The following NLGN4X variants were observed in gnomAD, a reference collection of about 807,000 sequenced individuals.
The protein encoded by NLGN4X is neuroligin-4, X-linked.
In NLGN4X, 3 loss-of-function variants were observed where a neutral mutation model predicts 40.3. The ratio of observed to expected loss-of-function variants is 0.07; its 90% CI spans 0.03 to 0.19. NLGN4X has a LOEUF of 0.19. Ranked by LOEUF, NLGN4X falls within the 10% of genes least tolerant of loss-of-function variation. The probability of loss-of-function intolerance (pLI) is 1.00; values close to 1 mark genes in which losing one functional copy is unlikely to be tolerated. For synonymous variants in NLGN4X, 270 were observed against 306.8 expected (o/e 0.88, Z 1.25); for missense variants, 382 against 708.3 (o/e 0.54, Z 5.23).
At chrX:6,163,698 T>C (rs1200143029) in intron 1 of NLGN4X, among the ~76,000 whole-genome samples, 1 of 111,396 alleles carries the variant, frequency 9.0e-6, no homozygotes, top group Admixed American at 9.6e-5. Context: ...ATAGAGGGGG[T>C]AAGCATTGAC....
chrX:5,965,319 T>C (rs1044620549), intron 3 of NLGN4X, among the ~76,000 whole-genome samples: 1 of 111,876 alleles, frequency 8.9e-6, no homozygotes, highest in African/African-American at 3.2e-5. Flanking sequence ...AGAAGTCGGG[T>C]GCAGGTAAAT....
intron 3 of NLGN4X, among the ~76,000 whole-genome samples, chrX:5,946,288 G>A (rs978843539): frequency 9.0e-6 from 1 of 111,614 alleles, no homozygotes; most frequent in African/African-American, 3.3e-5. Flanking sequence ...TTGCAAAAAC[G>A]TCCATACTTG....
intron 1 of NLGN4X, among the ~76,000 whole-genome samples, chrX:6,177,370 G>A (rs1440022711): frequency 9.0e-6 from 1 of 111,313 alleles, no homozygotes; most frequent in Non-Finnish European, 1.9e-5. Flanking sequence ...TGTTGGCCAG[G>A]GTGGTCTCGA....
Position 6,022,444 on chromosome X carries a change from T to G in NLGN4X, c.625+6836A>C, listed in dbSNP as rs1052340498. Among the ~76,000 whole-genome samples, 5 of 112,062 alleles carry G rather than the reference T, an allele frequency of 4.5e-5. No individual in the cohort carries two copies. In the East Asian group the frequency reaches 1.4e-3, roughly 31 times the overall value. ...TATTGTTAGAAAAAAAGAAATAAAATAGCAAATGTACCAAAAATAGAGCAA... is the reference window on the plus strand; with the variant it reads ...TATTGTTAGAAAAAAAGAAATAAAAGAGCAAATGTACCAAAAATAGAGCAA... On this transcript the variant is annotated intron_variant, in intron 3 of 5. Transcript: ENST00000381095.
rs576584294 is a variant in NLGN4X, at chrX:6,152,261, T to C, written c.-305-490A>G. On this transcript the variant is annotated intron_variant, in intron 1 of 5. Coordinates refer to ENST00000381095, the MANE Select transcript of NLGN4X (RefSeq NM_181332.3). Reference sequence around the variant, plus strand: ...CAGCCACCACTTGTCTTAATTCCTCTGTACATCCTATCACCATGAACAATG... The same window carrying C: ...CAGCCACCACTTGTCTTAATTCCTCCGTACATCCTATCACCATGAACAATG... Among the ~76,000 whole-genome samples the C allele has an allele frequency of 5.4e-4, 61 of 112,060 alleles. 1 individual carries two copies. In the South Asian group the frequency reaches 0.021, roughly 39 times the overall value.
chrX:6,109,122 C>T (rs2039091871), intron 2 of NLGN4X, among the ~76,000 whole-genome samples: 1 of 110,672 alleles, frequency 9.0e-6, no homozygotes, highest in East Asian at 2.9e-4. Flanking sequence ...AAAAATTAGC[C>T]GGATATGGTG....
chrX:6,051,406 A>G (rs777943555), intron 2 of NLGN4X, among the ~76,000 whole-genome samples: 2 of 111,537 alleles, frequency 1.8e-5, no homozygotes, highest in Non-Finnish European at 3.8e-5. Context: ...CTTTGGAGAT[A>G]AAATCATCAC....
At chrX:5,990,788 T>C (rs1348849977) in intron 3 of NLGN4X, among the ~76,000 whole-genome samples, 2 of 110,525 alleles carry the variant, frequency 1.8e-5, no homozygotes, top group South Asian at 3.9e-4. Context: ...GAGGAGAGGG[T>C]TGAGGGACCC....
intron 1 of NLGN4X, among the ~76,000 whole-genome samples, chrX:6,199,319 C>A (rs1214324359): frequency 9.0e-6 from 1 of 111,449 alleles, no homozygotes; most frequent in Non-Finnish European, 1.9e-5. Context: ...TCCCATTTCT[C>A]AACACAACAT....
intron 3 of NLGN4X, among the ~76,000 whole-genome samples, chrX:5,965,370 A>G (rs72627590): frequency 0.17 from 18,880 of 111,456 alleles, 1,204 homozygotes; most frequent in East Asian, 0.27. Flanking sequence ...ACCATGCACA[A>G]GTGTGTAACC....
intron 2 of NLGN4X, among the ~76,000 whole-genome samples, chrX:6,116,874 A>G (rs1185979100): frequency 9.0e-6 from 1 of 111,078 alleles, no homozygotes; most frequent in African/African-American, 3.3e-5. Context: ...TTGGAGATAC[A>G]AGTTTCACAA....
intron 2 of NLGN4X, among the ~76,000 whole-genome samples, chrX:6,072,165 G>A (rs1206376259): frequency 1.8e-5 from 2 of 111,031 alleles, no homozygotes; most frequent in Non-Finnish European, 3.8e-5. Context: ...TTATCTAGAG[G>A]CCAGGGATAT....
rs775611375 is a variant in NLGN4X at position 5,892,975 on chromosome X, G to A, written c.2293C>T (p.Arg765Cys). 64 of 1,209,442 alleles carry A rather than the reference G, an allele frequency of 5.3e-5. No homozygotes were observed. Among genetic ancestry groups the A allele is most frequent in the Non-Finnish European group, 6.5e-5 (58 of 895,171 alleles). ...AGTGGGATGTCATCTGGCGACCGGC[G>A]CAGCGTGAGGGTGTAGTCTGGCGGG... ...TCPPDYTLTLRRSPDDIPLMT... is the reference protein window; with the variant it reads ...TCPPDYTLTLCRSPDDIPLMT... The change falls in exon 6 of 6, where the codon CGC becomes TGC. Residue 765 changes from arginine (R) to cysteine (C), a missense_variant. This residue lies in a region of NLGN4X where 57 missense variants were observed against 65.6 expected (regional missense o/e 0.87). Transcript: ENST00000381095.
At chrX:6,072,120 T>C (rs761143579) in intron 2 of NLGN4X, among the ~76,000 whole-genome samples, 1 of 111,425 alleles carries the variant, frequency 9.0e-6, no homozygotes, top group Admixed American at 9.6e-5. Context: ...TGGAAATAGA[T>C]TTCTCTGGTG....
At chrX:6,061,643 CCT>C (rs1394518777) in intron 2 of NLGN4X, 5 of 111,223 alleles carry the variant, frequency 4.5e-5, no homozygotes, top group African/African-American at 1.3e-4. Flanking sequence ...TCTTTTTTCC[CCT>C]CTGTCTACCT....
chrX:6,176,703 T>C (rs377734815), intron 1 of NLGN4X, among the ~76,000 whole-genome samples: 6 of 112,163 alleles, frequency 5.3e-5, no homozygotes, highest in Non-Finnish European at 7.5e-5. Flanking sequence ...AAGAAGTCTC[T>C]AGAATCTGGA....
intron 3 of NLGN4X, among the ~76,000 whole-genome samples, chrX:5,951,844 G>A (rs1464295401): frequency 1.8e-5 from 2 of 111,756 alleles, no homozygotes; most frequent in African/African-American, 6.5e-5. Context: ...ATGATTTCTA[G>A]GGGGACAACT....
intron 2 of NLGN4X, among the ~76,000 whole-genome samples, chrX:6,089,428 T>C (rs777266455): frequency 8.9e-6 from 1 of 112,611 alleles, no homozygotes; most frequent in Non-Finnish European, 1.9e-5. Flanking sequence ...ACTAATTCCA[T>C]CCAGCACCTG....
intron 2 of NLGN4X, among the ~76,000 whole-genome samples, chrX:6,142,198 A>G: frequency 1.8e-5 from 2 of 112,662 alleles, no homozygotes; most frequent in Non-Finnish European, 3.8e-5. Context: ...TACATAAGGG[A>G]AAATGTTCTT....
Sources: gnomAD v4.1 joint callset for allele counts (sites outside exome capture counted in the v4.1 genomes callset) on GRCh38, gnomAD v4.1.1 for gene constraint, gnomAD v4.1.1 regional missense constraint, MANE v1.5 for transcripts, NCBI Gene and HGNC (gene_info 2026-07-23, HGNC 2026-07-21) for gene names.